LRRC34: variants seen among roughly 807,000 people sequenced by gnomAD.
LRRC34 encodes leucine rich repeat containing 34.
LRRC34 carries 44 observed loss-of-function variants against 48.5 expected under a neutral mutation model. The observed-to-expected ratio is 0.91, with a 90% CI of 0.71 to 1.17. LRRC34 has a LOEUF of 1.17. Among genes scored for constraint, LRRC34 ranks in the 50% most tolerant of loss-of-function variants. The pLI, the probability that LRRC34 is intolerant of heterozygous loss-of-function variation, is 0.00. For synonymous variants in LRRC34, 192 were observed against 197.6 expected, an observed-to-expected ratio of 0.97 and a Z score of 0.24; for missense variants, 502 against 563.0, an observed-to-expected ratio of 0.89 and a Z score of 1.10.
At chr3:169,801,016 G>GT (rs1009000233) in intron 6 of LRRC34, among the ~76,000 whole-genome samples, 1 of 151,860 alleles carries the variant, frequency 6.6e-6, no homozygotes, top group Non-Finnish European at 1.5e-5. Flanking sequence ...TTCCCTCTAG[G>GT]TTTTTTTTCC....
chr3:169,793,331 CCTTTA>C lies in LRRC34; in HGVS notation c.*299_*303del. The C allele has an allele frequency of 4.6e-6, 1 of 215,260 alleles. No individual in the cohort carries two copies. The highest frequency in any genetic ancestry group is 9.2e-6 in the Non-Finnish European group (1 of 109,014). The allele number at this position is 215,260 out of a possible 1,614,324, so 13.3% of individuals were successfully genotyped here. A position where few individuals can be genotyped will look rare whatever the true frequency, so the allele number is the denominator to read the frequency against. Reference sequence around the variant, plus strand: ...ACTTTCAGTTAGATACCTACAATGACCTTTACTTGTACGCTATTTCACTACTTGGT... The same window carrying C: ...ACTTTCAGTTAGATACCTACAATGACCTTGTACGCTATTTCACTACTTGGT... On this transcript the variant is annotated 3_prime_UTR_variant, in exon 11 of 11. Transcript: ENST00000446859.
In LRRC34 at chr3:169,808,703, C is replaced by A; in HGVS notation, c.182G>T (p.Cys61Phe). Reference protein sequence around the residue: ...SGLQKHYSNLCMEKSQKINPF... With the variant: ...SGLQKHYSNLFMEKSQKINPF... ...ATTAATTTTCTGGGATTTTTCCATACACAGATTAGAATAATGTTTCTGGAG... is the reference window on the plus strand; with the variant it reads ...ATTAATTTTCTGGGATTTTTCCATAAACAGATTAGAATAATGTTTCTGGAG... The change falls in exon 2 of 11, where the codon TGT (cysteine) becomes TTT (phenylalanine). Residue 61 changes from cysteine (C) to phenylalanine (F), a missense_variant. Cys to Phe is a radical substitution (Grantham distance 205, BLOSUM62 -2). Coordinates refer to ENST00000446859, the MANE Select transcript of LRRC34 (RefSeq NM_001172779.2). 1 of 1,596,160 alleles carries A rather than the reference C, an allele frequency of 6.3e-7. No homozygotes were observed. The highest frequency in any genetic ancestry group is 8.6e-7 in the Non-Finnish European group (1 of 1,166,414).
intron 6 of LRRC34, among the ~76,000 whole-genome samples, chr3:169,803,099 A>G (rs1779252663): frequency 6.6e-6 from 1 of 152,236 alleles, no homozygotes; most frequent in Admixed American, 6.5e-5. Context: ...AGTAGGCCTA[A>G]AGATTTGAAA....
rs1448541706 is a variant in LRRC34, at chr3:169,812,052, G to A, written c.139+358C>T. 6.6e-6 allele frequency among the ~76,000 whole-genome samples: 1 copy of A among 151,954 alleles called. No homozygotes were observed. Among genetic ancestry groups the A allele is most frequent in the Non-Finnish European group, 1.5e-5 (1 of 67,986 alleles). On this transcript the variant is annotated intron_variant, in intron 1 of 10. Transcript: ENST00000446859. This position sits in a 1 kb window ranked among gnomAD's most constrained non-coding sequence, Gnocchi z 4.3. ...ATGCCCCCCTGTGACCTGCTCTCTG[G>A]GACTTTCACAAAAAGGGGGCTGAGA...
intron 1 of LRRC34, among the ~76,000 whole-genome samples, chr3:169,810,970 G>A (rs1779542402): frequency 6.6e-6 from 1 of 152,192 alleles, no homozygotes; most frequent in South Asian, 2.1e-4. Flanking sequence ...AGGCTGAGGC[G>A]ACAGAATCGC....
At chr3:169,800,829 G>T in intron 6 of LRRC34, 75 bp from the exon 7 acceptor site, 1 of 904,616 alleles carries the variant, frequency 1.1e-6, no homozygotes, top group Non-Finnish European at 1.7e-6. Context: ...TTCAAGATCA[G>T]CTATCTGCAT....
chr3:169,808,914 T>C (rs1456952682), intron 1 of LRRC34, among the ~76,000 whole-genome samples, 169 bp from the exon 2 acceptor site: 4 of 152,102 alleles, frequency 2.6e-5, no homozygotes, highest in African/African-American at 4.8e-5. Flanking sequence ...ATAAAAATAA[T>C]GAATGGGAGA....
At chr3:169,808,928 A>C (rs1779472936) in intron 1 of LRRC34, among the ~76,000 whole-genome samples, 183 bp from the exon 2 acceptor site, 1 of 152,158 alleles carries the variant, frequency 6.6e-6, no homozygotes, top group Non-Finnish European at 1.5e-5. Flanking sequence ...TGGGAGAGAT[A>C]ATTAAAATGC....
intron 2 of LRRC34, among the ~76,000 whole-genome samples, 158 bp downstream of exon 2, chr3:169,808,470 A>T (rs1228135294): frequency 8.5e-5 from 13 of 152,140 alleles, no homozygotes; most frequent in Non-Finnish European, 1.9e-4. Context: ...AAGACCTACT[A>T]ACAGTGTTGC....
chr3:169,810,428 T>G (rs1338996524), intron 1 of LRRC34, among the ~76,000 whole-genome samples: 1 of 152,224 alleles, frequency 6.6e-6, no homozygotes, highest in African/African-American at 2.4e-5. Context: ...AACATTATAT[T>G]GTAAGCAGTT....
At chr3:169,800,997 C>T (rs537883373) in intron 6 of LRRC34, among the ~76,000 whole-genome samples, 4 of 152,150 alleles carry the variant, frequency 2.6e-5, no homozygotes, top group Non-Finnish European at 4.4e-5. Context: ...GTGTCCATTT[C>T]CTGGGTGTTT....
At chr3:169,795,217 A>G (rs1030752290) in intron 10 of LRRC34, 1 of 187,764 alleles carries the variant, frequency 5.3e-6, no homozygotes, top group Non-Finnish European at 1.1e-5. Context: ...AAATTTTGCT[A>G]CATCTGATCA....
intron 7 of LRRC34, among the ~76,000 whole-genome samples, chr3:169,797,232 G>A (rs1042192207): frequency 6.6e-6 from 1 of 151,978 alleles, no homozygotes; most frequent in Non-Finnish European, 1.5e-5. Context: ...CATGTATTGA[G>A]CATGTAATCC....
chr3:169,807,298 A>G, intron 4 of LRRC34, 128 bp downstream of exon 4: 3 of 877,482 alleles, frequency 3.4e-6, no homozygotes, highest in Non-Finnish European at 5.4e-6. Flanking sequence ...TTTCCAGTAT[A>G]TTTCGAGTGT....
chr3:169,794,204 C>A (rs536569961), intron 10 of LRRC34: 3 of 179,436 alleles, frequency 1.7e-5, no homozygotes, highest in African/African-American at 2.4e-5. Flanking sequence ...TAGGGGGGCT[C>A]GGTAGGAGGC....
In LRRC34 at chr3:169,807,604, A is replaced by T. The variant is rs1159226076; in HGVS notation, c.363T>A (p.Asn121Lys). ...GAAACATACCATTAATATACAGACA[A>T]TTCTTTAAAATTTTGGAAAGAATCC... is the stretch of plus-strand genomic sequence containing the variant. The part of the protein sequence containing the change: ...DFWILSKILK[N>K]CLYINGLDVG... The change falls in exon 3 of 11, where the codon AAT (asparagine) becomes AAA (lysine). Residue 121 changes from asparagine to lysine, a missense_variant. Transcript: ENST00000446859. 5.0e-6 allele frequency: 8 copies of T among 1,611,244 alleles called. No homozygotes were observed. The South Asian group carries it at 7.8e-5, about 16-fold the overall frequency.
At position 169,812,669 on chromosome 3, in the gene LRRC34, A is replaced by G; in HGVS notation, c.-121T>C. ...CCCGGGCCCTGAGGCCTCACTGCTA[A>G]GGCAGTGACCGCCTACTCTGTGGAG... On this transcript the variant is annotated 5_prime_UTR_variant, in exon 1 of 11. Transcript: ENST00000446859. This position sits in a 1 kb window ranked among gnomAD's most constrained non-coding sequence, Gnocchi z 4.3. 1.5e-6 allele frequency: 2 copies of G among 1,305,924 alleles called. No homozygotes were observed. Among genetic ancestry groups the G allele is most frequent in the Non-Finnish European group, 2.0e-6 (2 of 1,003,162 alleles). 80.9% of individuals were successfully genotyped at this position (1,305,924 alleles called of 1,614,324 possible). A position where few individuals can be genotyped will look rare whatever the true frequency, so the allele number is the denominator to read the frequency against.
At chr3:169,799,862 G>A (rs996981503) in intron 7 of LRRC34, among the ~76,000 whole-genome samples, 1 of 152,068 alleles carries the variant, frequency 6.6e-6, no homozygotes, top group Non-Finnish European at 1.5e-5. Flanking sequence ...ACAGGCACCT[G>A]CCACCATGCC....
chr3:169,798,208 T>C (rs944948876), intron 7 of LRRC34, among the ~76,000 whole-genome samples: 5 of 152,174 alleles, frequency 3.3e-5, no homozygotes, highest in Admixed American at 2.6e-4. Context: ...GTTTGGGCCT[T>C]GATTGCAGTT....
Sources: allele counts gnomAD v4.1 joint callset (sites outside exome capture counted in the v4.1 genomes callset), GRCh38; gene constraint gnomAD v4.1.1; non-coding constraint Gnocchi (gnomAD v3.1); transcripts MANE v1.5; gene names NCBI Gene and HGNC (gene_info 2026-07-23, HGNC 2026-07-21).